Variants in PARG observed in about 807,000 individuals in gnomAD.
PARG encodes mitochondrial poly(ADP-ribose) glycohydrolase.
PARG carries 35 observed loss-of-function variants against 113.0 expected under a neutral mutation model. That is an observed-to-expected ratio of 0.31 (90% CI 0.24 to 0.41). PARG has a LOEUF of 0.41. Among genes scored for constraint, PARG ranks in the 10% least tolerant of loss-of-function variants. PARG has a pLI of 1.00. For synonymous variants in PARG, 330 were observed against 409.9 expected (o/e 0.81, Z 2.36); for missense variants, 797 against 1,169.4 (o/e 0.68, Z 4.64).
chr10:49,899,897 T>C (rs549978317), intron 7 of PARG, among the ~76,000 whole-genome samples: 12 of 152,368 alleles, frequency 7.9e-5, no homozygotes, highest in African/African-American at 2.6e-4. Context: ...CAGCTCATTA[T>C]AAGCATTTAA....
rs1837725843 is a variant in PARG, at chr10:49,920,325, T to TG, written c.1662+2010dup. On this transcript the variant is annotated intron_variant, in intron 6 of 17. Transcript: ENST00000616448. ...TAGTCTGGGCATGGTGGCACACACC[T>TG]GTAGTCCCTGCTACTCAGGAGGCTG... Among the ~76,000 whole-genome samples, 12 of 150,792 alleles carry TG rather than the reference T, an allele frequency of 8.0e-5. No homozygotes were observed. The South Asian group carries it at 2.3e-3, about 29-fold the overall frequency.
intron 4 of PARG, among the ~76,000 whole-genome samples, chr10:49,928,087 A>G (rs1350995857): frequency 6.6e-6 from 1 of 152,154 alleles, no homozygotes; most frequent in Non-Finnish European, 1.5e-5. Context: ...CCTAGCCAAC[A>G]TGGCGAAACC....
chr10:49,891,119 C>G (rs1847755094), intron 7 of PARG, among the ~76,000 whole-genome samples: 1 of 152,094 alleles, frequency 6.6e-6, no homozygotes, highest in Non-Finnish European at 1.5e-5. Context: ...TCAAGACCAT[C>G]CTGGCTAACA....
intron 16 of PARG, among the ~76,000 whole-genome samples, chr10:49,822,640 A>G (rs562853926): frequency 4.5e-4 from 69 of 152,316 alleles, no homozygotes; most frequent in Non-Finnish European, 9.1e-4. Context: ...TGCCAAATCT[A>G]GGGAAAATTT....
rs1442338183 is a variant in PARG, at chr10:49,920,479, TATATATATATATATATATAC to T, written c.1662+1837_1662+1856del. On this transcript the variant is annotated intron_variant, in intron 6 of 17. Transcript: ENST00000616448. Reference sequence around the variant, plus strand: ...AAAAAAAAAAATATATATATATATATATATATATATATATATATACACACACACACACATATATATGTATA... The same window carrying T: ...AAAAAAAAAAATATATATATATATATACACACACACACATATATATGTATA... 2.4e-3 allele frequency among the ~76,000 whole-genome samples: 235 copies of T among 98,182 alleles called. 7 individuals are homozygous for T. The highest frequency in any genetic ancestry group is 3.7e-3 in the African/African-American group (99 of 26,752). 64.4% of individuals were successfully genotyped at this position (98,182 alleles called of 152,430 possible).
At chr10:49,892,254 C>T (rs1369216922) in intron 7 of PARG, among the ~76,000 whole-genome samples, 1 of 151,978 alleles carries the variant, frequency 6.6e-6, no homozygotes, top group Non-Finnish European at 1.5e-5. Context: ...CATGTATTTT[C>T]ACTGAAGAAA....
At chr10:49,901,583 CTT>C (rs2132747684) in intron 7 of PARG, among the ~76,000 whole-genome samples, 1 of 152,258 alleles carries the variant, frequency 6.6e-6, no homozygotes, top group South Asian at 2.1e-4. Context: ...GAACTTCACT[CTT>C]ATTAAGGATG....
intron 11 of PARG, among the ~76,000 whole-genome samples, chr10:49,862,893 G>T (rs1846322708): frequency 6.7e-6 from 1 of 150,086 alleles, no homozygotes; most frequent in Non-Finnish European, 1.5e-5. Flanking sequence ...GAAGACCCCT[G>T]TAAGCATACT....
intron 15 of PARG, among the ~76,000 whole-genome samples, chr10:49,840,422 A>G (rs781955065): frequency 2.0e-5 from 3 of 151,956 alleles, no homozygotes; most frequent in Non-Finnish European, 4.4e-5. Context: ...ACAACAAAAA[A>G]AAAAATCTTC....
At chr10:49,938,892 C>G (rs1225215530) in intron 1 of PARG, among the ~76,000 whole-genome samples, 2 of 152,112 alleles carry the variant, frequency 1.3e-5, no homozygotes, top group Non-Finnish European at 2.9e-5. Flanking sequence ...CCCAAAAATT[C>G]AAACAATGGG....
rs782663346 is a variant in PARG at position 49,857,473 on chromosome 10, T to C, written c.2206-20A>G. ...ATCCACCTGTTGGGGAAATGTGACA[T>C]ATTAAATAATGGTCAAAAATACCTA... is the stretch of plus-strand genomic sequence containing the variant. On this transcript the variant is annotated intron_variant, in intron 12 of 17. Transcript: ENST00000616448. 1.2e-6 allele frequency: 2 copies of C among 1,606,740 alleles called. No homozygotes were observed. The highest frequency in any genetic ancestry group is 2.2e-5 in the South Asian group (2 of 90,148).
intron 7 of PARG, among the ~76,000 whole-genome samples, chr10:49,895,573 T>G (rs1468830038): frequency 6.6e-6 from 1 of 151,998 alleles, no homozygotes; most frequent in African/African-American, 2.4e-5. Flanking sequence ...CTGGCTAATT[T>G]TTTTGTACTT....
At chr10:49,843,778 G>C in intron 13 of PARG, 146 bp from the exon 14 acceptor site, 2 of 594,246 alleles carry the variant, frequency 3.4e-6, no homozygotes, top group South Asian at 2.2e-5. Context: ...TAAACAAAAA[G>C]GCATAAAGAA....
chr10:49,841,965 T>C lies in PARG; in HGVS notation c.2526A>G (p.Arg842=), dbSNP rs782787409. The C allele has an allele frequency of 1.1e-5, 17 of 1,547,250 alleles. No homozygotes were observed. Among genetic ancestry groups the C allele is most frequent in the Non-Finnish European group, 1.5e-5 (17 of 1,145,640 alleles). The stretch of plus-strand genomic sequence containing the variant: ...GGTTACTGGCCTTGTTCAGCTCGCG[T>C]CTCATTTTCTCAGGCACAAACTGAT... The part of the protein sequence containing the change: ...YLDQFVPEKM[R]RELNKAYCGF... The change falls in exon 15 of 18, where the codon AGA becomes AGG. Residue 842 remains arginine, a synonymous_variant. Coordinates refer to ENST00000616448, the MANE Select transcript of PARG (RefSeq NM_003631.5).
At chr10:49,836,320 T>TA (rs1844926568) in intron 15 of PARG, among the ~76,000 whole-genome samples, 1 of 134,668 alleles carries the variant, frequency 7.4e-6, no homozygotes, top group Non-Finnish European at 1.6e-5. Context: ...TTTTTTTTTT[T>TA]TTTTTTTTTT....
At chr10:49,895,083 A>G (rs1848010491) in intron 7 of PARG, among the ~76,000 whole-genome samples, 1 of 152,198 alleles carries the variant, frequency 6.6e-6, no homozygotes, top group South Asian at 2.1e-4. Flanking sequence ...AGGGTACACC[A>G]TAATCCAGTG....
intron 15 of PARG, among the ~76,000 whole-genome samples, chr10:49,840,578 T>A (rs1303489120): frequency 6.6e-6 from 1 of 152,152 alleles, no homozygotes; most frequent in Non-Finnish European, 1.5e-5. Context: ...GTTACGTAAG[T>A]TCAACTTTAA....
chr10:49,921,750 T>C (rs2132894316), intron 6 of PARG, among the ~76,000 whole-genome samples: 1 of 152,002 alleles, frequency 6.6e-6, no homozygotes, highest in Middle Eastern at 3.4e-3. Flanking sequence ...AATATAAATA[T>C]ATATATATAC....
intron 15 of PARG, among the ~76,000 whole-genome samples, chr10:49,838,111 T>G (rs782106044): frequency 6.6e-6 from 1 of 152,124 alleles, no homozygotes; most frequent in African/African-American, 2.4e-5. Flanking sequence ...GTTATAGTAG[T>G]CTCTATGTGC....
Sources: gnomAD v4.1 joint callset for allele counts (sites outside exome capture counted in the v4.1 genomes callset) on GRCh38, gnomAD v4.1.1 for gene constraint, MANE v1.5 for transcripts, NCBI Gene and HGNC (gene_info 2026-07-23, HGNC 2026-07-21) for gene names.